Variants in FAM135B observed in about 807,000 individuals in gnomAD.
FAM135B encodes the protein family with sequence similarity 135 member B.
In FAM135B, 43 loss-of-function variants were observed where a neutral mutation model predicts 127.7. That is an observed-to-expected ratio of 0.34 (90% confidence interval 0.26 to 0.43). The LOEUF (loss-of-function observed/expected upper bound fraction) is 0.43, where lower values mean the gene tolerates loss of function less well. Among genes scored for constraint, FAM135B ranks in the 20% least tolerant of loss-of-function variants. The probability of loss-of-function intolerance (pLI) is 1.00; values close to 1 mark genes in which losing one functional copy is unlikely to be tolerated. For synonymous variants in FAM135B, 670 were observed against 665.1 expected (o/e 1.01, Z -0.11); for missense variants, 1,558 against 1,725.6 (o/e 0.90, Z 1.72).
intron 16 of FAM135B, among the ~76,000 whole-genome samples, chr8:138,142,580 A>C (rs899127471): frequency 2.0e-5 from 3 of 152,080 alleles, no homozygotes; most frequent in Admixed American, 1.3e-4. Flanking sequence ...CTGGGATTAC[A>C]GGTGTGAGCC....
chr8:138,351,380 C>T (rs900910945), intron 2 of FAM135B, among the ~76,000 whole-genome samples: 1 of 152,094 alleles, frequency 6.6e-6, no homozygotes, highest in Non-Finnish European at 1.5e-5. Context: ...GAGGGAAGAT[C>T]CTGTGAAGAG....
intron 19 of FAM135B, 27 bp downstream of exon 19, chr8:138,137,120 C>T (rs2130537471): frequency 1.7e-6 from 2 of 1,194,048 alleles, no homozygotes; most frequent in Non-Finnish European, 2.5e-6. Context: ...TTAGAAAGTC[C>T]CTGAGCAAAA....
chr8:138,195,867 C>T (rs1248444123), intron 8 of FAM135B, among the ~76,000 whole-genome samples: 1 of 152,206 alleles, frequency 6.6e-6, no homozygotes, highest in Non-Finnish European at 1.5e-5. Context: ...TGGGTTTGAA[C>T]TTTCCTCTGG....
Position 138,492,035 on chromosome 8 carries a change from T to C in FAM135B, c.-20+4636A>G, listed in dbSNP as rs1815224367. On this transcript the variant is annotated intron_variant, in intron 1 of 19. Coordinates refer to ENST00000395297, the MANE Select transcript of FAM135B (RefSeq NM_015912.4). ...AAATGCTTCAGATTTTACTCTGAGT[T>C]AGAAAACCACAAAAGGGCTTTGAGC... Among the ~76,000 whole-genome samples the C allele has an allele frequency of 2.0e-5, 3 of 152,134 alleles. No homozygotes were observed. In the South Asian group the frequency reaches 6.2e-4, roughly 32 times the overall value.
intron 5 of FAM135B, among the ~76,000 whole-genome samples, chr8:138,255,445 C>T (rs947484994): frequency 6.6e-6 from 1 of 152,152 alleles, no homozygotes; most frequent in Non-Finnish European, 1.5e-5. Flanking sequence ...TGCCCTGTCT[C>T]CCCTAGAACA....
intron 2 of FAM135B, among the ~76,000 whole-genome samples, chr8:138,326,611 G>T (rs915657234): frequency 6.6e-6 from 1 of 152,108 alleles, no homozygotes; most frequent in Admixed American, 6.6e-5. Context: ...GTCAGAAGGT[G>T]GGAGAAGAGT....
At chr8:138,309,858 CTT>C (rs145453026) in intron 3 of FAM135B, among the ~76,000 whole-genome samples, 73 of 86,750 alleles carry the variant, frequency 8.4e-4, no homozygotes, top group African/African-American at 3.1e-3. Flanking sequence ...AGTCTTTCTA[CTT>C]TTTTTTTTTT....
rs1255021511 is a variant in FAM135B, at chr8:138,233,877, G to T, written c.669+9065C>A. On this transcript the variant is annotated intron_variant, in intron 7 of 19. Coordinates refer to ENST00000395297, the MANE Select transcript of FAM135B (RefSeq NM_015912.4). ...GATTTTTAAAATTGGCAAAGGACTTGAATAGTCATTTATCCAAAGAAGACA... is the reference window on the plus strand; with the variant it reads ...GATTTTTAAAATTGGCAAAGGACTTTAATAGTCATTTATCCAAAGAAGACA... Among the ~76,000 whole-genome samples the T allele has an allele frequency of 2.0e-5, 3 of 152,140 alleles. No homozygotes were observed. The East Asian group carries it at 5.8e-4, about 29-fold the overall frequency.
intron 1 of FAM135B, among the ~76,000 whole-genome samples, chr8:138,419,580 T>C (rs1461578623): frequency 6.6e-6 from 1 of 152,154 alleles, no homozygotes; most frequent in Non-Finnish European, 1.5e-5. Flanking sequence ...ACATGGCAAC[T>C]ACTCTAAGAT....
chr8:138,309,134 G>A, intron 3 of FAM135B: 1 of 383,148 alleles, frequency 2.6e-6, no homozygotes, highest in Non-Finnish European at 5.1e-6. Flanking sequence ...AGTTCAAGCT[G>A]CTCATGTTAT....
intron 7 of FAM135B, among the ~76,000 whole-genome samples, chr8:138,225,694 G>T (rs1386970992): frequency 1.3e-5 from 2 of 152,118 alleles, no homozygotes; most frequent in African/African-American, 2.4e-5. Flanking sequence ...GACCAAGTTA[G>T]GTCAGGGCAG....
chr8:138,139,823 T>C (rs988580440), intron 17 of FAM135B, among the ~76,000 whole-genome samples: 67 of 152,264 alleles, frequency 4.4e-4, no homozygotes, highest in African/African-American at 1.3e-3. Flanking sequence ...AGGCAAACAC[T>C]AACATTGATG....
In FAM135B at chr8:138,396,266, C is replaced by A. The variant is rs559913313; in HGVS notation, c.-19-28264G>T. 2.1e-4 allele frequency among the ~76,000 whole-genome samples: 32 copies of A among 152,218 alleles called. 1 individual carries two copies. The South Asian group carries it at 2.7e-3, about 13-fold the overall frequency. On this transcript the variant is annotated intron_variant, in intron 1 of 19. Transcript: ENST00000395297. Reference sequence around the variant, plus strand: ...CATCCTTGACCGTGTCTGCATGGAGCAAAGCAGTGGCCAGCGTGTGGCAGG... The same window carrying A: ...CATCCTTGACCGTGTCTGCATGGAGAAAAGCAGTGGCCAGCGTGTGGCAGG...
intron 1 of FAM135B, among the ~76,000 whole-genome samples, chr8:138,436,186 A>G (rs1325500842): frequency 6.6e-6 from 1 of 152,204 alleles, no homozygotes; most frequent in African/African-American, 2.4e-5. Context: ...AAGGGCAAAC[A>G]AGCGGCTAAG....
chr8:138,151,096 A>C, intron 13 of FAM135B, 98 bp downstream of exon 13: 1 of 751,028 alleles, frequency 1.3e-6, no homozygotes, highest in Non-Finnish European at 2.0e-6. Flanking sequence ...AGAAAATCAC[A>C]GATATCTAAA....
chr8:138,208,112 A>T (rs1406238347), intron 7 of FAM135B, among the ~76,000 whole-genome samples: 2 of 152,212 alleles, frequency 1.3e-5, no homozygotes, highest in Non-Finnish European at 2.9e-5. Flanking sequence ...CACTGTGGAC[A>T]GACTGCCTCA....
At chr8:138,358,256 C>T (rs182294062) in intron 2 of FAM135B, 20 of 152,216 alleles carry the variant, frequency 1.3e-4, no homozygotes, top group African/African-American at 4.1e-4. Context: ...TGGGTGGGGA[C>T]ACAGCCAAAC....
intron 1 of FAM135B, among the ~76,000 whole-genome samples, chr8:138,427,223 T>A (rs1323629702): frequency 6.6e-6 from 1 of 151,144 alleles, no homozygotes; most frequent in Non-Finnish European, 1.5e-5. Flanking sequence ...TGTTTCTTGA[T>A]CTGGGTGCTA....
intron 1 of FAM135B, among the ~76,000 whole-genome samples, chr8:138,404,617 T>C (rs902852974): frequency 6.6e-6 from 1 of 152,132 alleles, no homozygotes. Context: ...TCAACTAAGA[T>C]TATAGAATAT....
Sources: gnomAD v4.1 joint callset for allele counts (sites outside exome capture counted in the v4.1 genomes callset) on GRCh38, gnomAD v4.1.1 for gene constraint, MANE v1.5 for transcripts, NCBI Gene and HGNC (gene_info 2026-07-23, HGNC 2026-07-21) for gene names.